The following KLF8 variants were observed in gnomAD, a reference collection of about 807,000 sequenced individuals.
KLF8 encodes Krueppel-like factor 8.
In KLF8, 10 loss-of-function variants were observed where a neutral mutation model predicts 18.2. The observed-to-expected ratio is 0.55, with a 90% CI of 0.34 to 0.93. The LOEUF (loss-of-function observed/expected upper bound fraction) is 0.93. Ranked by LOEUF, KLF8 falls within the 40% of genes least tolerant of loss-of-function variation. The pLI is 0.02. For synonymous variants in KLF8, 109 were observed against 97.3 expected (o/e 1.12, Z -0.71); for missense variants, 264 against 277.9 (o/e 0.95, Z 0.36).
At chrX:55,931,207 T>C in the KLF8 span, among the ~76,000 whole-genome samples, 1 of 112,162 alleles carries the variant, frequency 8.9e-6, no homozygotes, top group Non-Finnish European at 1.9e-5. Context: ...TATTCTCTGA[T>C]GGTAGTTTGT....
the KLF8 span, among the ~76,000 whole-genome samples, chrX:56,193,875 G>A: frequency 9.0e-6 from 1 of 111,633 alleles, no homozygotes; most frequent in African/African-American, 3.3e-5. Context: ...AAAAAAAATT[G>A]AAAGAATGTA....
chrX:56,050,443 GT>G, the KLF8 span, among the ~76,000 whole-genome samples: 1 of 111,985 alleles, frequency 8.9e-6, no homozygotes, highest in African/African-American at 3.2e-5. Context: ...CTTTGAATGT[GT>G]CCCAGAGATT....
At chrX:56,036,427 G>A in the KLF8 span, among the ~76,000 whole-genome samples, 2 of 111,812 alleles carry the variant, frequency 1.8e-5, no homozygotes, top group African/African-American at 6.5e-5. Context: ...ACCATGTATT[G>A]AAAAGACTGT....
the KLF8 span, among the ~76,000 whole-genome samples, chrX:56,203,336 G>C: frequency 8.9e-6 from 1 of 112,194 alleles, no homozygotes; most frequent in South Asian, 3.7e-4. Context: ...ACCTGTGTCA[G>C]AAAGGTAGTT....
chrX:56,165,057 C>T, the KLF8 span, among the ~76,000 whole-genome samples: 1 of 103,820 alleles, frequency 9.6e-6, no homozygotes, highest in African/African-American at 3.5e-5. Context: ...CCAATTTCAT[C>T]CATGTCCCTA....
At chrX:55,941,217 A>G in the KLF8 span, among the ~76,000 whole-genome samples, 2 of 112,103 alleles carry the variant, frequency 1.8e-5, no homozygotes, top group Admixed American at 1.9e-4. Flanking sequence ...ATAATGCTGC[A>G]TATCTACAAC....
chrX:55,997,687 CT>C, the KLF8 span, among the ~76,000 whole-genome samples: 6 of 111,640 alleles, frequency 5.4e-5, no homozygotes, highest in African/African-American at 1.6e-4. Context: ...CTCTTCTTGG[CT>C]GCATACAGTC....
chrX:56,219,267 T>A, the KLF8 span, among the ~76,000 whole-genome samples: 1 of 112,000 alleles, frequency 8.9e-6, no homozygotes, highest in Non-Finnish European at 1.9e-5. Flanking sequence ...GACCAAGTGA[T>A]TTTTCAGGAC....
chrX:56,222,254 G>A, the KLF8 span, among the ~76,000 whole-genome samples: 1 of 111,509 alleles, frequency 9.0e-6, no homozygotes, highest in Non-Finnish European at 1.9e-5. Context: ...GCTAGACACA[G>A]AGTGCTGATT....
the KLF8 span, among the ~76,000 whole-genome samples, chrX:56,041,854 T>A: frequency 9.0e-6 from 1 of 111,599 alleles, no homozygotes; most frequent in African/African-American, 3.3e-5. Flanking sequence ...AACACTCAGC[T>A]AACTTTTGTA....
At chrX:56,258,997 C>G (rs939672143) in intron 2 of KLF8, among the ~76,000 whole-genome samples, 2 of 111,797 alleles carry the variant, frequency 1.8e-5, no homozygotes, top group African/African-American at 6.5e-5. Context: ...CTCTAAATTT[C>G]TGTATCAACA....
chrX:56,014,126 T>A, the KLF8 span, among the ~76,000 whole-genome samples: 1 of 111,481 alleles, frequency 9.0e-6, no homozygotes, highest in Non-Finnish European at 1.9e-5. Flanking sequence ...AAAGCAAAAA[T>A]TTACAAATGG....
the KLF8 span, among the ~76,000 whole-genome samples, chrX:56,050,506 T>G: frequency 1.8e-5 from 2 of 112,342 alleles, no homozygotes; most frequent in Non-Finnish European, 1.9e-5. Flanking sequence ...TCTTTATTTC[T>G]GCCTTCATTT....
the KLF8 span, among the ~76,000 whole-genome samples, chrX:56,203,886 G>A: frequency 6.8e-3 from 759 of 111,312 alleles, 3 homozygotes; most frequent in Non-Finnish European, 0.011. Context: ...TCTTGGTTAG[G>A]ATAGCTTTGT....
chrX:56,164,999 G>A, the KLF8 span, among the ~76,000 whole-genome samples: 1 of 86,445 alleles, frequency 1.2e-5, no homozygotes, highest in Non-Finnish European at 2.2e-5. Context: ...GGGAATATGC[G>A]GTGTTTGGTT....
the KLF8 span, among the ~76,000 whole-genome samples, chrX:56,053,103 G>A: frequency 5.4e-5 from 6 of 111,971 alleles, no homozygotes; most frequent in Non-Finnish European, 7.5e-5. Flanking sequence ...CCCAAGTGAG[G>A]CAATGCCTCG....
At chrX:56,062,625 T>A in the KLF8 span, among the ~76,000 whole-genome samples, 1 of 112,016 alleles carries the variant, frequency 8.9e-6, no homozygotes, top group Non-Finnish European at 1.9e-5. Context: ...CTTTTTTTCC[T>A]TCATTTCACC....
chrX:56,189,627 C>G, the KLF8 span, among the ~76,000 whole-genome samples: 3 of 110,522 alleles, frequency 2.7e-5, no homozygotes, highest in Non-Finnish European at 5.7e-5. Flanking sequence ...AGCCAAATGT[C>G]CAACAACAAT....
intron 2 of KLF8, among the ~76,000 whole-genome samples, chrX:56,256,055 C>T (rs1284601932): frequency 9.0e-6 from 1 of 111,342 alleles, no homozygotes; most frequent in Non-Finnish European, 1.9e-5. Context: ...TGGCTTCAAT[C>T]TCATTACTTG....
Sources: allele counts gnomAD v4.1 joint callset (sites outside exome capture counted in the v4.1 genomes callset), GRCh38; gene constraint gnomAD v4.1.1; transcripts MANE v1.5; gene names NCBI Gene and HGNC (gene_info 2026-07-23, HGNC 2026-07-21).